IMMT: variants seen among roughly 807,000 people sequenced by gnomAD.
IMMT encodes the protein MICOS complex subunit MIC60.
A neutral mutation model predicts 92.7 loss-of-function variants in IMMT; 40 were observed. The observed-to-expected ratio is 0.43, with a 90% CI of 0.34 to 0.56. The LOEUF (loss-of-function observed/expected upper bound fraction) is 0.56. IMMT is among the 20% of genes least tolerant of loss of function. IMMT has a pLI of 0.03. For missense variants in IMMT, 831 were observed against 912.1 expected, an observed-to-expected ratio of 0.91 and a Z score of 1.14; for synonymous variants, 322 against 336.1, an observed-to-expected ratio of 0.96 and a Z score of 0.46.
chr2:86,155,493 G>A (rs1261403583), intron 10 of IMMT, among the ~76,000 whole-genome samples: 1 of 152,118 alleles, frequency 6.6e-6, no homozygotes, highest in Non-Finnish European at 1.5e-5. Context: ...AATTTGCCTT[G>A]TAAGGCTGTT....
chr2:86,171,862 A>ATATTTT (rs111461385), intron 4 of IMMT, among the ~76,000 whole-genome samples: 2,671 of 149,898 alleles, frequency 0.018, 72 homozygotes, highest in African/African-American at 0.06. Context: ...ATATATATAT[A>ATATTTT]TTTTTTGCAC....
intron 1 of IMMT, among the ~76,000 whole-genome samples, chr2:86,182,863 T>TAA (rs67459018): frequency 7.8e-6 from 1 of 127,804 alleles, no homozygotes; most frequent in Admixed American, 7.9e-5. Context: ...CCACTCCCCT[T>TAA]AAAAAAAAAA....
intron 1 of IMMT, among the ~76,000 whole-genome samples, 174 bp downstream of exon 1, chr2:86,195,164 A>C (rs867980239): frequency 1.3e-5 from 2 of 152,190 alleles, no homozygotes; most frequent in Non-Finnish European, 2.9e-5. Context: ...AAGTCATCCC[A>C]GTCCGGCGAA....
rs1364507159 is a variant in IMMT at position 86,162,429 on chromosome 2, T to C, written c.793-350A>G. Among the ~76,000 whole-genome samples the C allele has an allele frequency of 2.0e-5, 3 of 151,032 alleles. No individual in the cohort carries two copies. The East Asian group carries it at 5.8e-4, about 29-fold the overall frequency. ...ATAGGAGGTTTACATATTTGTAGGG[T>C]CCTTATTCCTCCTAAATGTTACTCT... On this transcript the variant is annotated intron_variant, in intron 7 of 14. Coordinates refer to ENST00000410111, the MANE Select transcript of IMMT (RefSeq NM_006839.3).
chr2:86,169,759 A>T (rs1354534970), intron 6 of IMMT, among the ~76,000 whole-genome samples: 2 of 151,950 alleles, frequency 1.3e-5, no homozygotes, highest in Middle Eastern at 3.2e-3. Flanking sequence ...TAATAATGAT[A>T]AAAAAAACTT....
At chr2:86,182,056 G>A (rs1672471885) in intron 1 of IMMT, among the ~76,000 whole-genome samples, 2 of 152,082 alleles carry the variant, frequency 1.3e-5, no homozygotes, top group African/African-American at 4.8e-5. Flanking sequence ...TATGGCTTGT[G>A]ATTGGTTTTA....
intron 1 of IMMT, among the ~76,000 whole-genome samples, chr2:86,193,328 G>A (rs1488509063): frequency 3.3e-5 from 5 of 150,914 alleles, no homozygotes; most frequent in African/African-American, 1.2e-4. Context: ...GATTGCTTGC[G>A]CTCAGGAGGT....
At chr2:86,194,091 T>G (rs1388733180) in intron 1 of IMMT, among the ~76,000 whole-genome samples, 1 of 152,216 alleles carries the variant, frequency 6.6e-6, no homozygotes, top group Non-Finnish European at 1.5e-5. Flanking sequence ...CTGTAGAAGC[T>G]GGGAGCAGTG....
At chr2:86,182,611 C>T (rs1270779768) in intron 1 of IMMT, among the ~76,000 whole-genome samples, 3 of 152,162 alleles carry the variant, frequency 2.0e-5, no homozygotes, top group Admixed American at 6.5e-5. Flanking sequence ...GGGTGAGCGG[C>T]GCAGGCGGGG....
At chr2:86,146,537 T>A (rs576429731) in intron 13 of IMMT, among the ~76,000 whole-genome samples, 1 of 150,614 alleles carries the variant, frequency 6.6e-6, no homozygotes, top group Non-Finnish European at 1.5e-5. Context: ...TGCCAATTAT[T>A]GTATTTTTAG....
intron 14 of IMMT, among the ~76,000 whole-genome samples, chr2:86,145,628 A>C (rs1674942498): frequency 6.6e-6 from 1 of 152,124 alleles, no homozygotes; most frequent in South Asian, 2.1e-4. Context: ...TAACATCCTA[A>C]AAAAACCCAT....
intron 3 of IMMT, among the ~76,000 whole-genome samples, chr2:86,177,820 C>G (rs1423862568): frequency 2.6e-5 from 4 of 152,102 alleles, no homozygotes; most frequent in Admixed American, 6.6e-5. Flanking sequence ...TAAGTAAGAG[C>G]TTGATAGCTG....
At chr2:86,180,252 A>C (rs1387523735) in intron 2 of IMMT, among the ~76,000 whole-genome samples, 1 of 152,032 alleles carries the variant, frequency 6.6e-6, no homozygotes, top group Non-Finnish European at 1.5e-5. Flanking sequence ...ATTTCTATAA[A>C]CACAATAAAC....
intron 14 of IMMT, 119 bp from the exon 15 acceptor site, chr2:86,145,000 A>T: frequency 8.4e-7 from 1 of 1,188,740 alleles, no homozygotes; most frequent in Non-Finnish European, 1.1e-6. Context: ...GGCCAGAGAG[A>T]CTTTCTTACA....
At chr2:86,158,130 A>G (rs977362841) in intron 10 of IMMT, among the ~76,000 whole-genome samples, 1 of 152,194 alleles carries the variant, frequency 6.6e-6, no homozygotes, top group East Asian at 1.9e-4. Flanking sequence ...TCCTTTCTCA[A>G]TGCAGGGTCC....
Position 86,173,685 on chromosome 2 carries a change from T to G in IMMT, c.386A>C (p.Gln129Pro). 6.2e-7 allele frequency: 1 copy of G among 1,605,842 alleles called. No homozygotes were observed. Among genetic ancestry groups the G allele is most frequent in the Non-Finnish European group, 8.5e-7 (1 of 1,172,806 alleles). The change falls in exon 4 of 15, where the codon CAA (glutamine) becomes CCA (proline). Residue 129 changes from glutamine (Q) to proline (P), a missense_variant. By Grantham distance (76) the Gln-to-Pro change is moderately conservative. Transcript: ENST00000410111. Reference protein sequence around the residue: ...KESKQPASQLQKQKGDTPASA... With the variant: ...KESKQPASQLPKQKGDTPASA... ...AGCTGGAGTATCTCCCTTTTGTTTT[T>G]GGAGTTGTGAGGCAGGCTGTTTAGA...
At chr2:86,161,903 A>G (rs1277040729) in intron 8 of IMMT, 73 bp downstream of exon 8, 1 of 902,518 alleles carries the variant, frequency 1.1e-6, no homozygotes, top group Non-Finnish European at 1.8e-6. Context: ...TATACAGACA[A>G]TACAAAGAAA....
At chr2:86,186,263 G>A (rs1359521992) in intron 1 of IMMT, among the ~76,000 whole-genome samples, 1 of 152,158 alleles carries the variant, frequency 6.6e-6, no homozygotes, top group South Asian at 2.1e-4. Flanking sequence ...CTTGGAGAAG[G>A]TTGTGAGTGG....
intron 4 of IMMT, 43 bp downstream of exon 4, chr2:86,173,607 G>T: frequency 4.6e-6 from 5 of 1,083,774 alleles, no homozygotes; most frequent in African/African-American, 1.5e-5. Flanking sequence ...TTGGTGAAGA[G>T]ATTTACCTAT....
Sources: gnomAD v4.1 joint callset for allele counts (sites outside exome capture counted in the v4.1 genomes callset) on GRCh38, gnomAD v4.1.1 for gene constraint, MANE v1.5 for transcripts, NCBI Gene and HGNC (gene_info 2026-07-23, HGNC 2026-07-21) for gene names.